The following MTRF1L variants were observed in gnomAD, a reference collection of about 807,000 sequenced individuals.
MTRF1L encodes peptide chain release factor 1-like, mitochondrial.
In MTRF1L, 29 loss-of-function variants were observed where a neutral mutation model predicts 40.0. The ratio of observed to expected loss-of-function variants is 0.73; its 90% CI spans 0.54 to 0.99. MTRF1L has a LOEUF of 0.99. Among genes scored for constraint, MTRF1L ranks in the 50% least tolerant of loss-of-function variants. MTRF1L has a pLI of 0.00. For synonymous variants in MTRF1L, 150 were observed against 175.8 expected (o/e 0.85, Z 1.16); for missense variants, 412 against 464.5 (o/e 0.89, Z 1.04).
In MTRF1L at chr6:153,002,411, C is replaced by T. The variant is rs548454145; in HGVS notation, c.259+16G>A. 3.0e-5 allele frequency: 49 copies of T among 1,613,966 alleles called. No individual in the cohort carries two copies. Among genetic ancestry groups the T allele is most frequent in the Non-Finnish European group, 3.4e-5 (40 of 1,179,858 alleles). ...AGAATGTGCTCTGACGCCTCTCCCCCGGGCCCGACCCTTACCGTGCAGCAA... is the reference window on the plus strand; with the variant it reads ...AGAATGTGCTCTGACGCCTCTCCCCTGGGCCCGACCCTTACCGTGCAGCAA... On this transcript the variant is annotated intron_variant, in intron 1 of 6. Coordinates refer to ENST00000367233, the MANE Select transcript of MTRF1L (RefSeq NM_019041.7).
chr6:153,002,442 C>T lies in MTRF1L; in HGVS notation c.244G>A (p.Glu82Lys), dbSNP rs766342074. Residue 82 changes from glutamate to lysine, a missense_variant, in exon 1 of 7, where the codon GAG becomes AAG. By Grantham distance (56) the Glu-to-Lys change is moderately conservative. Transcript: ENST00000367233. Reference protein sequence around the residue: ...NEKERELRETEHLLHDENEDL... With the variant: ...NEKERELRETKHLLHDENEDL... ...CGACCCTTACCGTGCAGCAAGTGCT[C>T]AGTCTCCCGCAGCTCCCGCTCCTTC... is the stretch of plus-strand genomic sequence containing the variant. 3.1e-6 allele frequency: 5 copies of T among 1,613,844 alleles called. No homozygotes were observed. In the East Asian group the frequency reaches 1.1e-4, roughly 36 times the overall value.
chr6:152,992,642 C>T (rs775866983), intron 5 of MTRF1L, among the ~76,000 whole-genome samples: 3 of 152,168 alleles, frequency 2.0e-5, no homozygotes. Flanking sequence ...GTAATTAATA[C>T]AGACATTCCC....
At chr6:152,999,439 G>C (rs895478019) in intron 1 of MTRF1L, among the ~76,000 whole-genome samples, 1 of 152,160 alleles carries the variant, frequency 6.6e-6, no homozygotes, top group South Asian at 2.1e-4. Context: ...GCCCTCAAGA[G>C]AGCATTATAG....
rs757365118 is a variant in MTRF1L at position 152,992,975 on chromosome 6, C to G, written c.688-1G>C. On this transcript the variant is annotated splice_acceptor_variant, in intron 4 of 6. Transcript: ENST00000367233. LOFTEE classifies it high-confidence loss of function. ...CTTTCGGATTAATCACCAGATTAATCTATACAGAAGAAAAGTTGGGATTTT... is the reference window on the plus strand; with the variant it reads ...CTTTCGGATTAATCACCAGATTAATGTATACAGAAGAAAAGTTGGGATTTT... 6.2e-7 allele frequency: 1 copy of G among 1,611,598 alleles called. No homozygotes were observed. The highest frequency in any genetic ancestry group is 8.5e-7 in the Non-Finnish European group (1 of 1,178,408).
chr6:152,993,978 C>G (rs1778621802), intron 4 of MTRF1L, among the ~76,000 whole-genome samples: 1 of 152,200 alleles, frequency 6.6e-6, no homozygotes, highest in Admixed American at 6.5e-5. Context: ...TATCTGCTAT[C>G]ACTTTTCAGT....
Position 153,002,556 on chromosome 6 carries a change from G to A in MTRF1L, c.130C>T (p.Arg44Trp), listed in dbSNP as rs1778968357. 6.3e-7 allele frequency: 1 copy of A among 1,583,990 alleles called. No homozygotes were observed. Among genetic ancestry groups the A allele is most frequent in the Non-Finnish European group, 8.6e-7 (1 of 1,166,474 alleles). The stretch of plus-strand genomic sequence containing the variant: ...CCCGCCTGGCGCTCGAGGAAGGTCC[G>A]CAAGGGCCCGCCCCGGGTGAACAGC... ...EELFTRGGPL[R>W]TFLERQAGSE... is the part of the protein sequence containing the mutation. Residue 44 changes from arginine (R) to tryptophan (W), a missense_variant, in exon 1 of 7, where the codon CGG (arginine) becomes TGG (tryptophan). Transcript: ENST00000367233.
intron 4 of MTRF1L, among the ~76,000 whole-genome samples, chr6:152,994,044 A>G (rs981621700): frequency 2.6e-5 from 4 of 152,214 alleles, no homozygotes; most frequent in African/African-American, 7.2e-5. Flanking sequence ...AAAAATATAG[A>G]CTGAGAATTT....
intron 4 of MTRF1L, 149 bp downstream of exon 4, chr6:152,994,364 A>G (rs1318413560): frequency 3.9e-6 from 3 of 769,878 alleles, no homozygotes; most frequent in African/African-American, 3.6e-5. Context: ...GCATTATAAA[A>G]TTATATTTTT....
rs1187626790 is a variant in MTRF1L at position 152,990,011 on chromosome 6, G to A, written c.1027C>T (p.Leu343=). ...TGCATAAAAGTTTCAAGATCATGCAGCGTCTTGTTTATTCTGTGATCTGTG... is the reference window on the plus strand; with the variant it reads ...TGCATAAAAGTTTCAAGATCATGCAACGTCTTGTTTATTCTGTGATCTGTG... ...RVTDHRINKT[L]HDLETFMQGD... is the part of the protein sequence containing the mutation. Residue 343 remains leucine, a synonymous_variant, in exon 7 of 7, where the codon CTG becomes TTG. Transcript: ENST00000367233. The A allele has an allele frequency of 1.2e-6, 2 of 1,613,618 alleles. No individual in the cohort carries two copies. The highest frequency in any genetic ancestry group is 4.5e-5 in the East Asian group (2 of 44,864).
chr6:152,987,498 A>G lies in MTRF1L; in HGVS notation c.*2397T>C, dbSNP rs1460365894. On this transcript the variant is annotated 3_prime_UTR_variant, in exon 7 of 7. Transcript: ENST00000367233. ...GTTTGGCAGTTACTTATTTGTAACC[A>G]GAATTAGACAGCAAATCGGATGCAG... 1 of 152,238 alleles carries G rather than the reference A, an allele frequency of 6.6e-6. No homozygotes were observed. Among genetic ancestry groups the G allele is most frequent in the Admixed American group, 6.5e-5 (1 of 15,290 alleles). The allele number at this position is 152,238 out of a possible 1,614,324, so 9.4% of individuals were successfully genotyped here.
chr6:153,000,137 A>G (rs1350589896), intron 1 of MTRF1L, among the ~76,000 whole-genome samples: 1 of 152,214 alleles, frequency 6.6e-6, no homozygotes, highest in African/African-American at 2.4e-5. Flanking sequence ...CAATAGGCTC[A>G]ACTTCTTTCA....
At chr6:152,991,392 T>C in intron 5 of MTRF1L, 71 bp from the exon 6 acceptor site, 3 of 1,433,366 alleles carry the variant, frequency 2.1e-6, no homozygotes, top group Non-Finnish European at 2.8e-6. Context: ...AGGAATACTT[T>C]TCCTCCTCAT....
Position 152,991,826 on chromosome 6 carries a change from G to A in MTRF1L, c.806-505C>T, listed in dbSNP as rs1778534142. Among the ~76,000 whole-genome samples the A allele has an allele frequency of 2.6e-5, 4 of 152,320 alleles. No homozygotes were observed. In the South Asian group the frequency reaches 8.3e-4, roughly 32 times the overall value. On this transcript the variant is annotated intron_variant, in intron 5 of 6. Coordinates refer to ENST00000367233, the MANE Select transcript of MTRF1L (RefSeq NM_019041.7). Reference sequence around the variant, plus strand: ...GGCCTCCCAAAGTGCTGGGATTACAGGCGTGAGCCACCGCGCCCGGCCTAG... The same window carrying A: ...GGCCTCCCAAAGTGCTGGGATTACAAGCGTGAGCCACCGCGCCCGGCCTAG...
At chr6:152,995,914 G>T (rs1232513248) in intron 2 of MTRF1L, among the ~76,000 whole-genome samples, 1 of 152,138 alleles carries the variant, frequency 6.6e-6, no homozygotes, top group African/African-American at 2.4e-5. Context: ...GGCCAAGCAG[G>T]CACAAGAACA....
rs34463753 is a variant in MTRF1L, at chr6:152,991,175, C to CT, written c.942+9dup. On this transcript the variant is annotated intron_variant, in intron 6 of 6. Transcript: ENST00000367233. ...ATCCTTTAAAAGCATTTTTAAAATT[C>CT]TTTTTTTACCTGAATTTTTCTAGCA... 1.3e-5 allele frequency: 15 copies of CT among 1,136,116 alleles called. No individual in the cohort carries two copies. The highest frequency in any genetic ancestry group is 1.6e-5 in the Non-Finnish European group (14 of 858,770). The allele number at this position is 1,136,116 out of a possible 1,614,324, so 70.4% of individuals were successfully genotyped here. A position where few individuals can be genotyped will look rare whatever the true frequency, so the allele number is the denominator to read the frequency against.
chr6:152,993,357 T>C (rs1389920134), intron 4 of MTRF1L, among the ~76,000 whole-genome samples: 2 of 151,850 alleles, frequency 1.3e-5, no homozygotes, highest in Non-Finnish European at 1.5e-5. Flanking sequence ...AAAAAAATGG[T>C]AGCGTGAGAA....
chr6:152,994,204 A>G (rs1039327234), intron 4 of MTRF1L, among the ~76,000 whole-genome samples: 3 of 152,208 alleles, frequency 2.0e-5, no homozygotes, highest in African/African-American at 7.2e-5. Context: ...CCAGTCACAC[A>G]AGGCAGAAGT....
chr6:152,994,968 T>C (rs1193848962), intron 3 of MTRF1L, among the ~76,000 whole-genome samples, 168 bp downstream of exon 3: 1 of 152,238 alleles, frequency 6.6e-6, no homozygotes, highest in Non-Finnish European at 1.5e-5. Flanking sequence ...CTCCATTAGA[T>C]TTTATAGGTC....
In MTRF1L at chr6:153,002,700, C is replaced by T. The variant is rs1015628756; in HGVS notation, c.-15G>A. ...CGGGACCGCATCCTTAGTCCGAGAT[C>T]GCGGACCCTGACCGGAACCGGAAGT... On this transcript the variant is annotated 5_prime_UTR_variant, in exon 1 of 7. Transcript: ENST00000367233. 1.2e-5 allele frequency: 18 copies of T among 1,469,712 alleles called. No homozygotes were observed. The highest frequency in any genetic ancestry group is 2.3e-4 in the Middle Eastern group (1 of 4,258). 91.0% of individuals were successfully genotyped at this position (1,469,712 alleles called of 1,614,324 possible). A position where few individuals can be genotyped will look rare whatever the true frequency, so the allele number is the denominator to read the frequency against.
Sources: gnomAD v4.1 joint callset for allele counts (sites outside exome capture counted in the v4.1 genomes callset) on GRCh38, gnomAD v4.1.1 for gene constraint, MANE v1.5 for transcripts, NCBI Gene and HGNC (gene_info 2026-07-23, HGNC 2026-07-21) for gene names.